The following SELENOI variants were observed in gnomAD, a reference collection of about 807,000 sequenced individuals.
SELENOI encodes ethanolaminephosphotransferase 1.
A neutral mutation model predicts 50.7 loss-of-function variants in SELENOI; 24 were observed. That is an observed-to-expected ratio of 0.47 (90% CI 0.34 to 0.67). The LOEUF (loss-of-function observed/expected upper bound fraction) is 0.67, where lower values mean the gene tolerates loss of function less well. SELENOI is among the 30% of genes least tolerant of loss of function. The pLI is 0.01. For synonymous variants in SELENOI, 155 were observed against 170.2 expected (o/e 0.91, Z 0.70); for missense variants, 352 against 461.4 (o/e 0.76, Z 2.17).
rs74731541 is a variant in SELENOI at position 26,354,200 on chromosome 2, C to G, written c.57+7911C>G. Among the ~76,000 whole-genome samples the G allele has an allele frequency of 9.6e-3, 1,463 of 152,070 alleles. 29 individuals carry two copies. The highest frequency in any genetic ancestry group is 0.033 in the African/African-American group (1,381 of 41,472). On this transcript the variant is annotated intron_variant, in intron 1 of 9. Coordinates refer to ENST00000260585, the MANE Select transcript of SELENOI (RefSeq NM_033505.4). ...ATCTGAGAAAGAGGTACTATTTTCC[C>G]TGTTTCACCGAGACACTGAAAATTT...
intron 1 of SELENOI, among the ~76,000 whole-genome samples, chr2:26,358,422 A>G (rs1050364836): frequency 2.0e-5 from 3 of 152,146 alleles, no homozygotes; most frequent in African/African-American, 4.8e-5. Context: ...AAAACCTTTT[A>G]TAGCCCAGGC....
chr2:26,392,821 C>G lies in SELENOI; in HGVS notation c.*3718C>G, dbSNP rs1315212275. ...TCTATAGAAAATTTGTGAAGTCAGACCAGAATTTTCTTTGTCCCATGAGGT... is the reference window on the plus strand; with the variant it reads ...TCTATAGAAAATTTGTGAAGTCAGAGCAGAATTTTCTTTGTCCCATGAGGT... On this transcript the variant is annotated 3_prime_UTR_variant, in exon 10 of 10. Transcript: ENST00000260585. 1 of 152,206 alleles carries G rather than the reference C, an allele frequency of 6.6e-6. No individual in the cohort carries two copies. The highest frequency in any genetic ancestry group is 1.5e-5 in the Non-Finnish European group (1 of 68,042). The allele number at this position is 152,206 out of a possible 1,614,324, so 9.4% of individuals were successfully genotyped here.
rs1300438690 is a variant in SELENOI, at chr2:26,395,482, G to A, written c.*6379G>A. 2 of 152,542 alleles carry A rather than the reference G, an allele frequency of 1.3e-5. No individual in the cohort carries two copies. Among genetic ancestry groups the A allele is most frequent in the Admixed American group, 6.5e-5 (1 of 15,282 alleles). The allele number at this position is 152,542 out of a possible 1,614,324, so 9.4% of individuals were successfully genotyped here. ...CTAGGTCTGCATGATGATGGGGCCC[G>A]TTTCTGGCCAGAGGGTGGCTCTGGG... On this transcript the variant is annotated 3_prime_UTR_variant, in exon 10 of 10. Transcript: ENST00000260585.
Position 26,390,485 on chromosome 2 carries a change from T to A in SELENOI, c.*1382T>A, listed in dbSNP as rs1463069159. 6.6e-6 allele frequency: 1 copy of A among 152,666 alleles called. No individual in the cohort carries two copies. The highest frequency in any genetic ancestry group is 2.4e-5 in the African/African-American group (1 of 41,468). The allele number at this position is 152,666 out of a possible 1,614,324, so 9.5% of individuals were successfully genotyped here. Reference sequence around the variant, plus strand: ...AATTAAATTCATAACTATTTATGAATGTGACCATTGTTAAATTTAATTATA... The same window carrying A: ...AATTAAATTCATAACTATTTATGAAAGTGACCATTGTTAAATTTAATTATA... On this transcript the variant is annotated 3_prime_UTR_variant, in exon 10 of 10. Coordinates refer to ENST00000260585, the MANE Select transcript of SELENOI (RefSeq NM_033505.4).
At chr2:26,365,795 CTTTTTT>C (rs55900237) in intron 3 of SELENOI, among the ~76,000 whole-genome samples, 4 of 108,408 alleles carry the variant, frequency 3.7e-5, no homozygotes, top group African/African-American at 8.6e-5. Context: ...ACACTTAAGA[CTTTTTT>C]TTTTTTTTTT....
At chr2:26,351,866 G>C (rs1018942910) in intron 1 of SELENOI, among the ~76,000 whole-genome samples, 3 of 152,206 alleles carry the variant, frequency 2.0e-5, no homozygotes, top group Non-Finnish European at 2.9e-5. Flanking sequence ...CCTCAGGCCA[G>C]GTGCAGTGCC....
At chr2:26,349,411 G>A (rs547892248) in intron 1 of SELENOI, among the ~76,000 whole-genome samples, 1 of 150,388 alleles carries the variant, frequency 6.6e-6, no homozygotes, top group African/African-American at 2.5e-5. Context: ...GGTTCAAGCA[G>A]TTCTCCTGCC....
chr2:26,370,792 T>C (rs1416687910), intron 4 of SELENOI, among the ~76,000 whole-genome samples: 7 of 99,284 alleles, frequency 7.1e-5, no homozygotes, highest in Admixed American at 1.1e-4. Context: ...GCAGAGGGGC[T>C]CCTCACCTCC....
intron 5 of SELENOI, among the ~76,000 whole-genome samples, chr2:26,374,566 AT>A (rs34004967): frequency 0.38 from 48,949 of 128,652 alleles, 8,556 homozygotes; most frequent in Non-Finnish European, 0.47. Context: ...AAAAGATTGT[AT>A]TTTTTTTTTT....
intron 1 of SELENOI, among the ~76,000 whole-genome samples, chr2:26,357,503 G>A (rs1355782056): frequency 1.3e-5 from 2 of 152,124 alleles, no homozygotes; most frequent in African/African-American, 4.8e-5. Context: ...CATAGTTACG[G>A]AGGCTAGAAG....
chr2:26,353,738 G>T (rs1357713748), intron 1 of SELENOI, among the ~76,000 whole-genome samples: 1 of 152,216 alleles, frequency 6.6e-6, no homozygotes, highest in African/African-American at 2.4e-5. Flanking sequence ...GTGGTAAGAA[G>T]ATGGCTACTA....
chr2:26,370,526 C>T (rs372695904), intron 4 of SELENOI, among the ~76,000 whole-genome samples: 5,559 of 83,252 alleles, frequency 0.067, 51 homozygotes, highest in East Asian at 0.42. Context: ...GGCGGCTGGC[C>T]GGGCAGAGGG....
At chr2:26,378,619 G>T (rs34343122) in intron 6 of SELENOI, among the ~76,000 whole-genome samples, 5 of 152,032 alleles carry the variant, frequency 3.3e-5, no homozygotes, top group African/African-American at 4.8e-5. Flanking sequence ...TCTGGGACAG[G>T]GGGTAGGCAA....
intron 4 of SELENOI, among the ~76,000 whole-genome samples, chr2:26,371,730 G>T (rs531089115): frequency 1.3e-5 from 2 of 152,242 alleles, no homozygotes; most frequent in African/African-American, 4.8e-5. Flanking sequence ...GCGTGGCGGC[G>T]TGCGCCTGCA....
chr2:26,372,536 CTG>C (rs1479374596), intron 4 of SELENOI, among the ~76,000 whole-genome samples: 1 of 152,194 alleles, frequency 6.6e-6, no homozygotes, highest in Non-Finnish European at 1.5e-5. Context: ...TGAATATCCA[CTG>C]TGTGCATTTT....
At position 26,392,481 on chromosome 2, in the gene SELENOI, C is replaced by A. The variant is rs961151576; in HGVS notation, c.*3378C>A. 1 of 152,132 alleles carries A rather than the reference C, an allele frequency of 6.6e-6. No individual in the cohort carries two copies. The highest frequency in any genetic ancestry group is 1.5e-5 in the Non-Finnish European group (1 of 68,036). 9.4% of individuals were successfully genotyped at this position (152,132 alleles called of 1,614,324 possible). ...TTCCCCTTTATATTTTATATAGAAG[C>A]CTATTTGTAATTCTTCCTCTTCGTT... On this transcript the variant is annotated 3_prime_UTR_variant, in exon 10 of 10. Coordinates refer to ENST00000260585, the MANE Select transcript of SELENOI (RefSeq NM_033505.4).
chr2:26,352,710 G>GCTT (rs1421730949), intron 1 of SELENOI, among the ~76,000 whole-genome samples: 2 of 152,078 alleles, frequency 1.3e-5, no homozygotes, highest in East Asian at 3.9e-4. Context: ...CTTGAATCTG[G>GCTT]GAGGTGGAGG....
Position 26,373,534 on chromosome 2 carries a change from C to T in SELENOI, c.478C>T (p.Leu160=). ...GVSVFVLYLL[L]WVVLFSFILS... ...CAGTGTTTTTGTTCTTTATCTCCTG[C>T]TATGGGTAGTTTTGTTTTCTTTCAT... The change falls in exon 5 of 10, where the codon CTA becomes TTA. Residue 160 remains leucine (L), a synonymous_variant. Coordinates refer to ENST00000260585, the MANE Select transcript of SELENOI (RefSeq NM_033505.4). 6.2e-7 allele frequency: 1 copy of T among 1,613,946 alleles called. No homozygotes were observed. The highest frequency in any genetic ancestry group is 1.1e-5 in the South Asian group (1 of 91,080).
intron 1 of SELENOI, chr2:26,346,516 TAGG>T (rs919607564): frequency 1.9e-5 from 9 of 484,718 alleles, no homozygotes; most frequent in African/African-American, 1.9e-4. Context: ...TCCTTTTCCT[TAGG>T]AGAGCGCTCA....
Sources: gnomAD v4.1 joint callset for allele counts (sites outside exome capture counted in the v4.1 genomes callset) on GRCh38, gnomAD v4.1.1 for gene constraint, MANE v1.5 for transcripts, NCBI Gene and HGNC (gene_info 2026-07-23, HGNC 2026-07-21) for gene names.